SH3GLB1: variants seen among roughly 807,000 people sequenced by gnomAD.
The protein encoded by SH3GLB1 is SH3 domain containing GRB2 like, endophilin B1.
In SH3GLB1, 17 loss-of-function variants were observed where a neutral mutation model predicts 42.0. That is an observed-to-expected ratio of 0.40 (90% CI 0.28 to 0.61). The LOEUF (loss-of-function observed/expected upper bound fraction) is 0.61, where lower values mean the gene tolerates loss of function less well. Among genes scored for constraint, SH3GLB1 ranks in the 20% least tolerant of loss-of-function variants. The pLI, the probability that SH3GLB1 is intolerant of heterozygous loss-of-function variation, is 0.36. For synonymous variants in SH3GLB1, 132 were observed against 146.6 expected (o/e 0.90, Z 0.72); for missense variants, 355 against 426.3 (o/e 0.83, Z 1.47).
chr1:86,720,653 A>G (rs1041671696), intron 3 of SH3GLB1, among the ~76,000 whole-genome samples: 5 of 152,260 alleles, frequency 3.3e-5, no homozygotes, highest in South Asian at 4.1e-4. Flanking sequence ...TCTGCAAGAT[A>G]CTGGTCTTTG....
chr1:86,735,682 C>T (rs1353437500), intron 7 of SH3GLB1, among the ~76,000 whole-genome samples: 3 of 152,172 alleles, frequency 2.0e-5, no homozygotes, highest in Admixed American at 6.5e-5. Context: ...TCATTCATCA[C>T]GTATTTATTG....
Position 86,735,103 on chromosome 1 carries a change from G to T in SH3GLB1, c.685G>T (p.Asp229Tyr). The T allele has an allele frequency of 6.2e-7, 1 of 1,612,858 alleles. No individual in the cohort carries two copies. The highest frequency in any genetic ancestry group is 1.1e-5 in the South Asian group (1 of 90,996). ...GGCCCATCACCTTCGCTGTCTGAAT[G>T]ACTTTGTAGAAGCCCAGATGACTTA... ...THAHHLRCLN[D>Y]FVEAQMTYYA... The change falls in exon 7 of 9, where the codon GAC becomes TAC. Residue 229 changes from aspartate to tyrosine, a missense_variant. By Grantham distance (160) the Asp-to-Tyr change is radical. Transcript: ENST00000370558.
At chr1:86,729,994 T>C in intron 5 of SH3GLB1, 1 of 1,240,516 alleles carries the variant, frequency 8.1e-7, no homozygotes, top group African/African-American at 1.5e-5. Flanking sequence ...GTATGCCATT[T>C]AAACAAATAT....
At chr1:86,727,493 T>C (rs1220372998) in intron 5 of SH3GLB1, among the ~76,000 whole-genome samples, 1 of 152,026 alleles carries the variant, frequency 6.6e-6, no homozygotes, top group Non-Finnish European at 1.5e-5. Context: ...AGTGCCTTTA[T>C]GACGCTCAAA....
chr1:86,714,763 C>T (rs1191789667), intron 1 of SH3GLB1, among the ~76,000 whole-genome samples: 1 of 152,024 alleles, frequency 6.6e-6, no homozygotes, highest in Non-Finnish European at 1.5e-5. Context: ...TAGTGATATA[C>T]CTGTGTTAAG....
At position 86,746,224 on chromosome 1, in the gene SH3GLB1, C is replaced by T. The variant is rs1360227232; in HGVS notation, c.*2989C>T. On this transcript the variant is annotated 3_prime_UTR_variant, in exon 9 of 9. Transcript: ENST00000370558. ...GACTGGGAAGCTAGTGTTGGGGAAA[C>T]ATTTCTGGGATAAACTGTGGAGTGG... is the stretch of plus-strand genomic sequence containing the variant. 6.6e-6 allele frequency: 1 copy of T among 152,468 alleles called. No individual in the cohort carries two copies. Among genetic ancestry groups the T allele is most frequent in the Non-Finnish European group, 1.5e-5 (1 of 68,052 alleles). 9.4% of individuals were successfully genotyped at this position (152,468 alleles called of 1,614,324 possible).
At chr1:86,711,371 C>T (rs1570407700) in intron 1 of SH3GLB1, among the ~76,000 whole-genome samples, 1 of 151,930 alleles carries the variant, frequency 6.6e-6, no homozygotes, top group Non-Finnish European at 1.5e-5. Flanking sequence ...TTCCGCAAAG[C>T]AATATTTAGA....
At chr1:86,719,458 A>C in intron 2 of SH3GLB1, 49 bp from the exon 3 acceptor site, 1 of 1,550,898 alleles carries the variant, frequency 6.4e-7, no homozygotes, top group East Asian at 2.3e-5. Flanking sequence ...CAATCTTCTA[A>C]TTAGTTTTGC....
intron 1 of SH3GLB1, among the ~76,000 whole-genome samples, chr1:86,714,946 A>G (rs929223024): frequency 1.8e-4 from 28 of 152,368 alleles, no homozygotes; most frequent in East Asian, 1.9e-4. Context: ...AGTATATTCA[A>G]TAATAAAAAT....
intron 7 of SH3GLB1, 50 bp from the exon 8 acceptor site, chr1:86,742,142 CGAGTGGTGGTATTAAG>C: frequency 8.6e-7 from 1 of 1,169,536 alleles, no homozygotes; most frequent in Non-Finnish European, 1.3e-6. Context: ...ACAGCGCCAC[CGAGTGGTGGTATTAAG>C]GAGCTTTAGT....
intron 3 of SH3GLB1, among the ~76,000 whole-genome samples, chr1:86,719,840 C>CA (rs1279645163): frequency 4.6e-5 from 7 of 151,098 alleles, no homozygotes; most frequent in Non-Finnish European, 1.0e-4. Context: ...CTAAAAATAA[C>CA]AAAAAATTAG....
At chr1:86,711,831 T>G (rs1044242631) in intron 1 of SH3GLB1, among the ~76,000 whole-genome samples, 1 of 152,096 alleles carries the variant, frequency 6.6e-6, no homozygotes, top group Admixed American at 6.5e-5. Flanking sequence ...ATTCTCCTAG[T>G]AGATCATAAA....
At chr1:86,735,057 TA>T in intron 6 of SH3GLB1, 21 bp from the exon 7 acceptor site, 1 of 1,583,916 alleles carries the variant, frequency 6.3e-7, no homozygotes, top group Non-Finnish European at 8.7e-7. Flanking sequence ...AGCTAAGAAC[TA>T]ACTATAATTT....
intron 5 of SH3GLB1, among the ~76,000 whole-genome samples, chr1:86,733,239 A>G (rs1157154150): frequency 6.6e-6 from 1 of 152,146 alleles, no homozygotes; most frequent in Non-Finnish European, 1.5e-5. Context: ...TTATTTCCGT[A>G]AGTCCAAGCT....
At chr1:86,705,733 A>G (rs1416698891) in intron 1 of SH3GLB1, among the ~76,000 whole-genome samples, 1 of 152,230 alleles carries the variant, frequency 6.6e-6, no homozygotes, top group East Asian at 1.9e-4. Context: ...TGTCAGTACT[A>G]AGGAACTTGG....
At chr1:86,710,301 G>A (rs1232360668) in intron 1 of SH3GLB1, among the ~76,000 whole-genome samples, 3 of 147,070 alleles carry the variant, frequency 2.0e-5, no homozygotes, top group Admixed American at 6.8e-5. Context: ...GTCTCGCCCT[G>A]TTGCCCAGGC....
intron 7 of SH3GLB1, 57 bp from the exon 8 acceptor site, chr1:86,742,151 G>A (rs1656089222): frequency 7.7e-7 from 1 of 1,305,094 alleles, no homozygotes; most frequent in Non-Finnish European, 1.1e-6. Context: ...CCGAGTGGTG[G>A]TATTAAGGAG....
At chr1:86,716,599 A>G (rs1166350263) in intron 2 of SH3GLB1, among the ~76,000 whole-genome samples, 1 of 152,142 alleles carries the variant, frequency 6.6e-6, no homozygotes, top group Non-Finnish European at 1.5e-5. Flanking sequence ...TAAGTTTTAC[A>G]TTTTCACATA....
intron 1 of SH3GLB1, among the ~76,000 whole-genome samples, chr1:86,707,510 G>A (rs761268144): frequency 6.6e-6 from 1 of 152,138 alleles, no homozygotes; most frequent in Admixed American, 6.5e-5. Flanking sequence ...CCAAGGTTTT[G>A]GCTTGAGCCG....
Sources: allele counts gnomAD v4.1 joint callset (sites outside exome capture counted in the v4.1 genomes callset), GRCh38; gene constraint gnomAD v4.1.1; transcripts MANE v1.5; gene names NCBI Gene and HGNC (gene_info 2026-07-23, HGNC 2026-07-21).